The following TNNI3K variants were observed in gnomAD, a reference collection of about 807,000 sequenced individuals.
TNNI3K encodes the protein serine/threonine-protein kinase TNNI3K.
In TNNI3K, 140 loss-of-function variants were observed where a neutral mutation model predicts 114.5. That is an observed-to-expected ratio of 1.22 (90% CI 1.07 to 1.41). The LOEUF (loss-of-function observed/expected upper bound fraction) is 1.41. TNNI3K is among the 40% of genes most tolerant of loss of function. TNNI3K has a pLI of 0.00. For missense variants in TNNI3K, 1,125 were observed against 1,007.6 expected, an observed-to-expected ratio of 1.12 and a Z score of -1.58; for synonymous variants, 347 against 347.5, an observed-to-expected ratio of 1.00 and a Z score of 0.02.
intron 10 of TNNI3K, among the ~76,000 whole-genome samples, 188 bp downstream of exon 10, chr1:74,353,548 T>G (rs1661495162): frequency 6.6e-6 from 1 of 152,070 alleles, no homozygotes; most frequent in Non-Finnish European, 1.5e-5. Context: ...TTTGGTCAAT[T>G]TTATTATTGT....
intron 17 of TNNI3K, among the ~76,000 whole-genome samples, chr1:74,402,455 AC>A (rs1335308726): frequency 6.6e-6 from 1 of 152,194 alleles, no homozygotes; most frequent in Admixed American, 6.5e-5. Flanking sequence ...TTCTGGAATT[AC>A]ACGGAAGTCT....
At chr1:74,478,968 C>T (rs1370908370) in intron 21 of TNNI3K, among the ~76,000 whole-genome samples, 2 of 152,188 alleles carry the variant, frequency 1.3e-5, no homozygotes, top group Non-Finnish European at 2.9e-5. Flanking sequence ...TGGATTACTG[C>T]TGATGGTAGT....
chr1:74,320,264 A>C (rs554476463), intron 5 of TNNI3K, among the ~76,000 whole-genome samples: 16 of 152,202 alleles, frequency 1.1e-4, no homozygotes, highest in African/African-American at 3.9e-4. Context: ...TGTGTTCTTC[A>C]TTTTGATAAA....
rs1660437276 is a variant in TNNI3K at position 74,335,892 on chromosome 1, G to A, written c.544-119G>A. On this transcript the variant is annotated intron_variant, in intron 6 of 24. Transcript: ENST00000326637. ...GAATTGTTCCAGTTTTGGACTTCTT[G>A]CTAGGTGATATAACAATAAATTTTT... 4 of 1,097,090 alleles carry A rather than the reference G, an allele frequency of 3.6e-6. No individual in the cohort carries two copies. The South Asian group carries it at 7.7e-5, about 21-fold the overall frequency. The allele number at this position is 1,097,090 out of a possible 1,614,324, so 68.0% of individuals were successfully genotyped here. A position where few individuals can be genotyped will look rare whatever the true frequency, so the allele number is the denominator to read the frequency against.
At chr1:74,299,576 A>T (rs1250306502) in intron 5 of TNNI3K, among the ~76,000 whole-genome samples, 2 of 152,100 alleles carry the variant, frequency 1.3e-5, no homozygotes, top group Non-Finnish European at 2.9e-5. Context: ...TACATTGATT[A>T]TCTCTTTATA....
chr1:74,442,151 G>T (rs1025137981), intron 20 of TNNI3K, among the ~76,000 whole-genome samples: 1 of 151,470 alleles, frequency 6.6e-6, no homozygotes, highest in Non-Finnish European at 1.5e-5. Context: ...GTTGAATTTG[G>T]TATTCTTTGG....
At chr1:74,289,987 A>T (rs112588028) in intron 5 of TNNI3K, among the ~76,000 whole-genome samples, 19 of 151,926 alleles carry the variant, frequency 1.3e-4, no homozygotes, top group African/African-American at 4.6e-4. Context: ...AAGCCTATGA[A>T]TTTTTGTAGC....
intron 5 of TNNI3K, among the ~76,000 whole-genome samples, chr1:74,309,025 T>TA (rs1310060400): frequency 6.6e-6 from 1 of 151,914 alleles, no homozygotes; most frequent in Non-Finnish European, 1.5e-5. Context: ...CTACCAACCA[T>TA]AAAAAGCACT....
At chr1:74,274,189 GA>G (rs1656529248) in intron 5 of TNNI3K, among the ~76,000 whole-genome samples, 1 of 151,880 alleles carries the variant, frequency 6.6e-6, no homozygotes, top group Non-Finnish European at 1.5e-5. Flanking sequence ...ATGTTATAAA[GA>G]AAATCATAAG....
At chr1:74,393,609 A>G (rs1375321413) in intron 17 of TNNI3K, among the ~76,000 whole-genome samples, 1 of 152,220 alleles carries the variant, frequency 6.6e-6, no homozygotes, top group East Asian at 1.9e-4. Context: ...ACAAATATTT[A>G]CAAAATTGCT....
At chr1:74,503,003 T>C (rs1330272472) in intron 23 of TNNI3K, among the ~76,000 whole-genome samples, 2 of 152,246 alleles carry the variant, frequency 1.3e-5, no homozygotes, top group Non-Finnish European at 2.9e-5. Context: ...GCTTTGAGGA[T>C]AGCTCTACTT....
chr1:74,346,498 A>C (rs1380508981), intron 9 of TNNI3K, among the ~76,000 whole-genome samples: 1 of 152,002 alleles, frequency 6.6e-6, no homozygotes, highest in Non-Finnish European at 1.5e-5. Flanking sequence ...AACACTGGAA[A>C]TTTTATACAG....
intron 23 of TNNI3K, among the ~76,000 whole-genome samples, chr1:74,528,071 G>A (rs141448560): frequency 2.0e-5 from 3 of 152,300 alleles, no homozygotes; most frequent in East Asian, 3.9e-4. Context: ...CAGGAAGAAC[G>A]TTATGTATGA....
chr1:74,403,070 G>A (rs760218058), intron 17 of TNNI3K, among the ~76,000 whole-genome samples: 75 of 151,964 alleles, frequency 4.9e-4, no homozygotes, highest in Admixed American at 1.9e-3. Context: ...GCTACTCTCA[G>A]CATTTTTTAC....
rs149647136 is a variant in TNNI3K at position 74,254,577 on chromosome 1, A to G, written c.333+3808A>G. The stretch of plus-strand genomic sequence containing the variant: ...ATTGCAATCGAATTTTATTTTGTTC[A>G]TAACACTCACAAAATGAATAATGTA... On this transcript the variant is annotated intron_variant, in intron 4 of 24. Coordinates refer to ENST00000326637, the MANE Select transcript of TNNI3K (RefSeq NM_015978.3). Among the ~76,000 whole-genome samples, 598 of 152,214 alleles carry G rather than the reference A, an allele frequency of 3.9e-3. 4 individuals carry two copies. Among genetic ancestry groups the G allele is most frequent in the African/African-American group, 0.014 (572 of 41,516 alleles).
intron 7 of TNNI3K, among the ~76,000 whole-genome samples, chr1:74,339,905 C>T (rs557468586): frequency 6.6e-6 from 1 of 152,134 alleles, no homozygotes; most frequent in African/African-American, 2.4e-5. Flanking sequence ...TCATCTTAAT[C>T]ATAAATGCTA....
intron 21 of TNNI3K, chr1:74,470,638 TC>T (rs1314566869): frequency 5.0e-6 from 2 of 400,594 alleles, no homozygotes; most frequent in Non-Finnish European, 8.8e-6. Context: ...AAGTTTTTTT[TC>T]TACATCATTT....
chr1:74,338,045 C>T (rs1660565632), intron 7 of TNNI3K, among the ~76,000 whole-genome samples: 2 of 151,892 alleles, frequency 1.3e-5, no homozygotes, highest in African/African-American at 4.8e-5. Flanking sequence ...GTTCATCTCT[C>T]TTGAATATAT....
At position 74,405,024 on chromosome 1, in the gene TNNI3K, T is replaced by C. The variant is rs45446797; in HGVS notation, c.1773-31056T>C. Among the ~76,000 whole-genome samples the C allele has an allele frequency of 4.8e-3, 727 of 152,272 alleles. 11 individuals carry two copies. The highest frequency in any genetic ancestry group is 0.017 in the African/African-American group (694 of 41,564). On this transcript the variant is annotated intron_variant, in intron 17 of 24. Coordinates refer to ENST00000326637, the MANE Select transcript of TNNI3K (RefSeq NM_015978.3). ...TACAGTTTAAAAAAAGAAAGACCATTGAGTGAACTGACAATGTCAACAAAA... is the reference window on the plus strand; with the variant it reads ...TACAGTTTAAAAAAAGAAAGACCATCGAGTGAACTGACAATGTCAACAAAA...
Sources: gnomAD v4.1 joint callset for allele counts (sites outside exome capture counted in the v4.1 genomes callset) on GRCh38, gnomAD v4.1.1 for gene constraint, MANE v1.5 for transcripts, NCBI Gene and HGNC (gene_info 2026-07-23, HGNC 2026-07-21) for gene names.